Variants in ANKRD11 observed in about 807,000 individuals in gnomAD.
ANKRD11 encodes ankyrin repeat domain-containing protein 11.
ANKRD11 carries 17 observed loss-of-function variants against 195.7 expected under a neutral mutation model. That is an observed-to-expected ratio of 0.09 (90% CI 0.06 to 0.13). The LOEUF is 0.13. Ranked by LOEUF, ANKRD11 falls within the 10% of genes least tolerant of loss-of-function variation. The probability of loss-of-function intolerance (pLI) is 1.00; values close to 1 mark genes in which losing one functional copy is unlikely to be tolerated. For missense variants in ANKRD11, 3,735 were observed against 3,566.1 expected, an observed-to-expected ratio of 1.05 and a Z score of -1.21; for synonymous variants, 1,953 against 1,528.1, an observed-to-expected ratio of 1.28 and a Z score of -6.49.
intron 2 of ANKRD11, among the ~76,000 whole-genome samples, chr16:89,389,607 G>A (rs1056662101): frequency 2.0e-5 from 3 of 152,204 alleles, no homozygotes; most frequent in African/African-American, 7.2e-5. Flanking sequence ...ATCACACTGG[G>A]TGGGATTCAC....
chr16:89,393,109 C>G (rs1463782135), intron 2 of ANKRD11, among the ~76,000 whole-genome samples: 1 of 152,102 alleles, frequency 6.6e-6, no homozygotes, highest in African/African-American at 2.4e-5. Flanking sequence ...CCCTCTTCTT[C>G]ACCTGCATAC....
At chr16:89,427,454 A>C (rs1237171245) in intron 1 of ANKRD11, among the ~76,000 whole-genome samples, 1 of 152,252 alleles carries the variant, frequency 6.6e-6, no homozygotes, top group Non-Finnish European at 1.5e-5. Flanking sequence ...AACTTACAGA[A>C]CTATACAACT....
intron 2 of ANKRD11, among the ~76,000 whole-genome samples, chr16:89,336,175 T>G (rs981690429): frequency 2.0e-5 from 3 of 152,344 alleles, no homozygotes; most frequent in East Asian, 1.9e-4. Flanking sequence ...CCAGGATACC[T>G]CTGGAGCTCA....
At chr16:89,424,452 AAG>A (rs1555573745) in intron 1 of ANKRD11, among the ~76,000 whole-genome samples, 1 of 151,166 alleles carries the variant, frequency 6.6e-6, no homozygotes, top group Admixed American at 6.6e-5. Context: ...AAAAAAAAAA[AAG>A]AGAGAGAAAG....
chr16:89,268,790 G>GCCCAGCTGTA, intron 12 of ANKRD11, 127 bp from the exon 13 acceptor site: 1 of 1,110,260 alleles, frequency 9.0e-7, no homozygotes, highest in Non-Finnish European at 1.3e-6. Flanking sequence ...TATGGGCCAG[G>GCCCAGCTGTA]CCCAGCTGTA....
rs576332106 is a variant in ANKRD11 at position 89,291,900 on chromosome 16, C to T, written c.227-717G>A. The T allele has an allele frequency of 1.0e-5, 6 of 596,346 alleles. No homozygotes were observed. Among genetic ancestry groups the T allele is most frequent in the Non-Finnish European group, 1.4e-5 (5 of 362,440 alleles). The allele number at this position is 596,346 out of a possible 1,614,324, so 36.9% of individuals were successfully genotyped here. A position where few individuals can be genotyped will look rare whatever the true frequency, so the allele number is the denominator to read the frequency against. On this transcript the variant is annotated intron_variant, in intron 4 of 12. Transcript: ENST00000301030. This position sits in a 1 kb window ranked among gnomAD's most constrained non-coding sequence, Gnocchi z 5.3. ...GACCCGTTACAGAACACTCGGCTGG[C>T]GTCTAACGCAACTCACGTGCTGTGT...
Position 89,280,955 on chromosome 16 carries a change from C to A in ANKRD11, c.5587G>T (p.Asp1863Tyr), listed in dbSNP as rs769501359. Reference sequence around the variant, plus strand: ...GCAGCCGGTGGGCAGTGCAAAGCGTCGACTTTGGGCGACGGGAGGCCATAG... The same window carrying A: ...GCAGCCGGTGGGCAGTGCAAAGCGTAGACTTTGGGCGACGGGAGGCCATAG... ...PDYGLPSPKV[D>Y]ALHCPPAAVV... is the part of the protein sequence containing the mutation. The change falls in exon 9 of 13, where the codon GAC becomes TAC. Residue 1863 changes from aspartate (D) to tyrosine (Y), a missense_variant. Asp to Tyr is a radical substitution (Grantham distance 160). Transcript: ENST00000301030. 1.3e-6 allele frequency: 2 copies of A among 1,572,648 alleles called. No individual in the cohort carries two copies. Among genetic ancestry groups the A allele is most frequent in the Non-Finnish European group, 1.7e-6 (2 of 1,156,564 alleles).
chr16:89,369,473 G>A (rs1037721211), intron 2 of ANKRD11, among the ~76,000 whole-genome samples: 40 of 152,202 alleles, frequency 2.6e-4, no homozygotes, highest in African/African-American at 8.9e-4. Context: ...TGGGTGCGCC[G>A]CAACAGCACA....
At position 89,274,968 on chromosome 16, in the gene ANKRD11, A is replaced by G; in HGVS notation, c.7570-11T>C. On this transcript the variant is annotated splice_polypyrimidine_tract_variant and intron_variant, in intron 10 of 12. Coordinates refer to ENST00000301030, the MANE Select transcript of ANKRD11 (RefSeq NM_013275.6). ...TACGATCAGCTTCTCCTGAAGGAGG[A>G]GAGGAGTAGAGTGAGCTGGGACACA... 1.2e-6 allele frequency: 2 copies of G among 1,613,202 alleles called. No individual in the cohort carries two copies. The highest frequency in any genetic ancestry group is 1.7e-6 in the Non-Finnish European group (2 of 1,180,010).
At chr16:89,292,011 G>C (rs1399778308) in intron 4 of ANKRD11, among the ~76,000 whole-genome samples, 2 of 152,196 alleles carry the variant, frequency 1.3e-5, no homozygotes, top group Admixed American at 6.5e-5. Flanking sequence ...CTCCTCCTCT[G>C]CCTGACCAGT....
At chr16:89,305,373 T>G (rs775982855) in intron 3 of ANKRD11, 29 bp from the exon 4 acceptor site, 1 of 1,613,710 alleles carries the variant, frequency 6.2e-7, no homozygotes, top group South Asian at 1.1e-5. Context: ...CTTTCAGTCG[T>G]GATGTCCAAA....
intron 1 of ANKRD11, among the ~76,000 whole-genome samples, chr16:89,457,383 G>T (rs1186454119): frequency 1.3e-5 from 2 of 151,428 alleles, no homozygotes; most frequent in Non-Finnish European, 2.9e-5. Flanking sequence ...CAGATCATGC[G>T]GTCAGGAGTT....
chr16:89,343,090 G>A (rs972251374), intron 2 of ANKRD11, among the ~76,000 whole-genome samples: 3 of 152,100 alleles, frequency 2.0e-5, no homozygotes, highest in South Asian at 2.1e-4. Flanking sequence ...GTGCGATCTC[G>A]GCTCACTGCA....
chr16:89,486,543 G>A (rs1405472447), intron 1 of ANKRD11, among the ~76,000 whole-genome samples: 1 of 151,984 alleles, frequency 6.6e-6, no homozygotes, highest in Non-Finnish European at 1.5e-5. Context: ...GGATCTGCAT[G>A]AGATGGCAGC....
intron 2 of ANKRD11, chr16:89,324,159 C>A: frequency 9.2e-7 from 1 of 1,082,456 alleles, no homozygotes; most frequent in Non-Finnish European, 1.2e-6. Context: ...TTTCCACTCA[C>A]ATTTTCTGTT....
intron 7 of ANKRD11, chr16:89,286,627 T>C (rs924790745): frequency 9.2e-6 from 11 of 1,196,982 alleles, no homozygotes; most frequent in East Asian, 1.1e-4. Flanking sequence ...ATGGAAAGGG[T>C]TGGGGGGACA....
intron 4 of ANKRD11, chr16:89,300,875 C>A: frequency 2.8e-6 from 2 of 702,274 alleles, no homozygotes; most frequent in Non-Finnish European, 5.2e-6. Context: ...GAAACATCCA[C>A]GTGCAGAGGG....
chr16:89,382,542 G>C (rs570262016), intron 2 of ANKRD11, among the ~76,000 whole-genome samples: 27 of 152,110 alleles, frequency 1.8e-4, no homozygotes, highest in African/African-American at 5.8e-4. Context: ...GGCCAGGCTG[G>C]TCTCGAACTC....
At chr16:89,278,707 G>A (rs760113026) in intron 9 of ANKRD11, 18 of 493,620 alleles carry the variant, frequency 3.6e-5, no homozygotes, top group African/African-American at 3.1e-4. Flanking sequence ...AGGGGCAGGA[G>A]ACACAGGGGG....
Sources: allele counts gnomAD v4.1 joint callset (sites outside exome capture counted in the v4.1 genomes callset), GRCh38; gene constraint gnomAD v4.1.1; non-coding constraint Gnocchi (gnomAD v3.1); transcripts MANE v1.5; gene names NCBI Gene and HGNC (gene_info 2026-07-23, HGNC 2026-07-21).